RAD51B: variants seen among roughly 807,000 people sequenced by gnomAD.
The protein encoded by RAD51B is DNA repair protein RAD51 homolog 2.
RAD51B carries 38 observed loss-of-function variants against 42.2 expected under a neutral mutation model. That is an observed-to-expected ratio of 0.90 (90% CI 0.70 to 1.18). The LOEUF (loss-of-function observed/expected upper bound fraction) is 1.18, where lower values mean the gene tolerates loss of function less well. RAD51B is among the 50% of genes most tolerant of loss of function. The pLI is 0.00. For synonymous variants in RAD51B, 154 were observed against 145.2 expected (o/e 1.06, Z -0.43); for missense variants, 373 against 400.7 (o/e 0.93, Z 0.59).
At chr14:68,453,730 T>C (rs2085614244) in intron 9 of RAD51B, among the ~76,000 whole-genome samples, 1 of 152,216 alleles carries the variant, frequency 6.6e-6, no homozygotes, top group African/African-American at 2.4e-5. Flanking sequence ...TAAATATCAA[T>C]CCACCTCTGA....
intron 7 of RAD51B, among the ~76,000 whole-genome samples, chr14:68,056,476 C>T (rs959159925): frequency 4.0e-5 from 6 of 151,820 alleles, no homozygotes; most frequent in Non-Finnish European, 5.9e-5. Flanking sequence ...GGGCTAGGTG[C>T]AGTGGCTCAT....
chr14:67,874,711 A>G (rs2042669829), intron 5 of RAD51B, among the ~76,000 whole-genome samples: 1 of 152,024 alleles, frequency 6.6e-6, no homozygotes. Flanking sequence ...AAGATCTCAT[A>G]TAGTCTTAGG....
chr14:67,883,975 G>A (rs2042992443), intron 5 of RAD51B, among the ~76,000 whole-genome samples: 2 of 152,168 alleles, frequency 1.3e-5, no homozygotes, highest in Admixed American at 6.6e-5. Context: ...GGGAGCAAAT[G>A]ATAGGTTATT....
intron 7 of RAD51B, among the ~76,000 whole-genome samples, chr14:67,946,612 C>A (rs1020456194): frequency 6.6e-6 from 1 of 152,178 alleles, no homozygotes; most frequent in East Asian, 1.9e-4. Flanking sequence ...GTGATCCACC[C>A]GCCTCGGCCT....
In RAD51B at chr14:67,943,814, T is replaced by C. The variant is rs372275250; in HGVS notation, c.756+56610T>C. Among the ~76,000 whole-genome samples the C allele has an allele frequency of 1.6e-3, 245 of 152,262 alleles. 12 individuals are homozygous for C. In the South Asian group the frequency reaches 0.05, roughly 31 times the overall value. On this transcript the variant is annotated intron_variant, in intron 7 of 10. Coordinates refer to ENST00000471583, the MANE Select transcript of RAD51B (RefSeq NM_133510.4). ...TCCTATTGTGACACGTGGGTTATAA[T>C]GAGTTAGGGCCTACTTAAGAAGAAA...
intron 8 of RAD51B, among the ~76,000 whole-genome samples, chr14:68,384,810 T>G (rs891593064): frequency 6.6e-6 from 1 of 152,210 alleles, no homozygotes; most frequent in African/African-American, 2.4e-5. Context: ...TTAAAATAAC[T>G]GCTTTCCCTC....
intron 7 of RAD51B, among the ~76,000 whole-genome samples, chr14:67,928,657 A>G (rs1223767230): frequency 6.6e-6 from 1 of 152,050 alleles, no homozygotes; most frequent in East Asian, 1.9e-4. Flanking sequence ...AGCAATCGCC[A>G]TGTTGGCCAT....
intron 7 of RAD51B, among the ~76,000 whole-genome samples, chr14:68,033,184 T>C (rs559397665): frequency 7.2e-5 from 11 of 152,332 alleles, no homozygotes; most frequent in African/African-American, 2.6e-4. Flanking sequence ...AAAATTTTGT[T>C]AAATGTTGTT....
At chr14:68,575,754 C>G (rs187573668) in intron 10 of RAD51B, among the ~76,000 whole-genome samples, 29 of 152,314 alleles carry the variant, frequency 1.9e-4, no homozygotes, top group African/African-American at 6.7e-4. Context: ...CTCTGGACAC[C>G]AACATAGCTT....
At chr14:68,516,875 T>C (rs1886191701) in intron 10 of RAD51B, among the ~76,000 whole-genome samples, 1 of 152,230 alleles carries the variant, frequency 6.6e-6, no homozygotes, top group African/African-American at 2.4e-5. Flanking sequence ...TCTGTAAGTG[T>C]TGGGAAGGTG....
chr14:68,303,118 A>T (rs1311238792), intron 8 of RAD51B, among the ~76,000 whole-genome samples: 1 of 152,208 alleles, frequency 6.6e-6, no homozygotes, highest in Non-Finnish European at 1.5e-5. Context: ...TGGCACATAC[A>T]CACTGTGGAA....
chr14:68,305,908 G>C (rs865990873), intron 8 of RAD51B, among the ~76,000 whole-genome samples: 1 of 152,132 alleles, frequency 6.6e-6, no homozygotes, highest in Non-Finnish European at 1.5e-5. Flanking sequence ...TGTTTTTCTC[G>C]GCCAGCTGTT....
At chr14:67,849,318 G>A (rs1029110381) in intron 4 of RAD51B, among the ~76,000 whole-genome samples, 1 of 150,894 alleles carries the variant, frequency 6.6e-6, no homozygotes, top group Non-Finnish European at 1.5e-5. Flanking sequence ...TTTTGCTCTT[G>A]TTGCCCCAGC....
chr14:68,071,203 G>T (rs973871066), intron 7 of RAD51B, among the ~76,000 whole-genome samples: 1 of 152,044 alleles, frequency 6.6e-6, no homozygotes, highest in African/African-American at 2.4e-5. Context: ...GTATCATATT[G>T]TCTATGAAGA....
chr14:67,824,404 C>T (rs969749026), intron 2 of RAD51B, among the ~76,000 whole-genome samples: 4 of 152,126 alleles, frequency 2.6e-5, no homozygotes, highest in Admixed American at 2.6e-4. Context: ...ATTACAGGCA[C>T]ATGCCACCAC....
At chr14:68,354,218 T>G (rs1453219726) in intron 8 of RAD51B, among the ~76,000 whole-genome samples, 1 of 39,734 alleles carries the variant, frequency 2.5e-5, no homozygotes, top group Middle Eastern at 0.013. Context: ...GTTTTTTGGT[T>G]TTTTTTTTTT....
At chr14:68,335,159 T>C (rs997201517) in intron 8 of RAD51B, among the ~76,000 whole-genome samples, 29 of 149,858 alleles carry the variant, frequency 1.9e-4, no homozygotes, top group Non-Finnish European at 4.1e-4. Flanking sequence ...TAGCTGGGCA[T>C]GGTGGCGGGT....
chr14:68,317,304 A>AACATCTCATC (rs11282617), intron 8 of RAD51B, among the ~76,000 whole-genome samples: 129,981 of 151,666 alleles, frequency 0.86, 56,182 homozygotes, highest in East Asian at 0.99. Flanking sequence ...GTTCACTTTG[A>AACATCTCATC]ACATATTTAT....
intron 4 of RAD51B, among the ~76,000 whole-genome samples, chr14:67,855,488 C>T (rs1462609858): frequency 6.6e-6 from 1 of 151,876 alleles, no homozygotes; most frequent in Non-Finnish European, 1.5e-5. Context: ...GATTCGCCCA[C>T]CTTGGCCTCC....
Sources: allele counts gnomAD v4.1 joint callset (sites outside exome capture counted in the v4.1 genomes callset), GRCh38; gene constraint gnomAD v4.1.1; transcripts MANE v1.5; gene names NCBI Gene and HGNC (gene_info 2026-07-23, HGNC 2026-07-21).